Variants in PRDM9 observed in about 807,000 individuals in gnomAD.
PRDM9 encodes the protein PR/SET domain 9, also known as histone-lysine N-methyltransferase PRDM9.
In PRDM9, 47 loss-of-function variants were observed where a neutral mutation model predicts 55.6. That is an observed-to-expected ratio of 0.85 (90% CI 0.67 to 1.08). The LOEUF (loss-of-function observed/expected upper bound fraction) is 1.08. Ranked by LOEUF, PRDM9 falls within the 50% of genes least tolerant of loss-of-function variation. The pLI, the probability that PRDM9 is intolerant of heterozygous loss-of-function variation, is 0.00. For missense variants in PRDM9, 867 were observed against 1,040.3 expected, an observed-to-expected ratio of 0.83 and a Z score of 2.29; for synonymous variants, 312 against 375.7, an observed-to-expected ratio of 0.83 and a Z score of 1.96.
chr5:23,510,531 T>A (rs1739074714), intron 4 of PRDM9, among the ~76,000 whole-genome samples: 1 of 151,426 alleles, frequency 6.6e-6, no homozygotes, highest in Non-Finnish European at 1.5e-5. Flanking sequence ...CTAATTTTTG[T>A]ATTTTTTGTA....
At chr5:23,509,348 G>A in intron 2 of PRDM9, 122 bp from the exon 3 acceptor site, 1 of 1,534,260 alleles carries the variant, frequency 6.5e-7, no homozygotes, top group Non-Finnish European at 9.0e-7. Flanking sequence ...AAGGAGGGAA[G>A]ATCTTTATGT....
At chr5:23,510,283 A>G (rs191172593) in intron 4 of PRDM9, among the ~76,000 whole-genome samples, 20 of 151,536 alleles carry the variant, frequency 1.3e-4, no homozygotes, top group African/African-American at 4.8e-4. Flanking sequence ...CTGGTCTCGA[A>G]CTCCCGACCT....
chr5:23,525,086 C>A (rs1739405894), intron 10 of PRDM9, among the ~76,000 whole-genome samples: 1 of 152,158 alleles, frequency 6.6e-6, no homozygotes, highest in African/African-American at 2.4e-5. Flanking sequence ...GTAAATGAAT[C>A]CAGAAAGAAT....
intron 4 of PRDM9, among the ~76,000 whole-genome samples, chr5:23,514,594 G>T (rs1278257025): frequency 1.3e-5 from 2 of 151,870 alleles, no homozygotes; most frequent in African/African-American, 4.8e-5. Context: ...GACTACAGGG[G>T]CACACCAGCT....
At chr5:23,513,865 C>T (rs1269945864) in intron 4 of PRDM9, among the ~76,000 whole-genome samples, 6 of 151,972 alleles carry the variant, frequency 3.9e-5, no homozygotes, top group South Asian at 2.1e-4. Flanking sequence ...GGCAACAGAA[C>T]GAGACGCCGT....
At chr5:23,518,259 G>T (rs546278616) in intron 5 of PRDM9, among the ~76,000 whole-genome samples, 3 of 152,144 alleles carry the variant, frequency 2.0e-5, no homozygotes, top group Admixed American at 1.3e-4. Context: ...GAAAACTGAG[G>T]TATAAAAATG....
At chr5:23,510,860 T>G (rs1348572017) in intron 4 of PRDM9, among the ~76,000 whole-genome samples, 2 of 151,432 alleles carry the variant, frequency 1.3e-5, no homozygotes, top group Non-Finnish European at 2.9e-5. Context: ...AGAAGTGACC[T>G]CCTGGCCAGG....
chr5:23,510,434 C>T (rs939322994), intron 4 of PRDM9, among the ~76,000 whole-genome samples: 3 of 151,868 alleles, frequency 2.0e-5, no homozygotes, highest in Non-Finnish European at 4.4e-5. Context: ...TCTTGGCTCA[C>T]TGCAGCCTCT....
intron 3 of PRDM9, 123 bp downstream of exon 3, chr5:23,509,716 C>T: frequency 6.4e-7 from 1 of 1,561,098 alleles, no homozygotes. Flanking sequence ...GTAGACAAAT[C>T]TGGAGGGAAA....
intron 3 of PRDM9, 72 bp downstream of exon 3, chr5:23,509,665 G>C: frequency 6.2e-7 from 1 of 1,610,098 alleles, no homozygotes; most frequent in Non-Finnish European, 8.5e-7. Flanking sequence ...TATTATTTTA[G>C]TTCTCAGGTG....
intron 3 of PRDM9, 32 bp downstream of exon 3, chr5:23,509,625 G>A: frequency 6.2e-7 from 1 of 1,614,044 alleles, no homozygotes; most frequent in South Asian, 1.1e-5. Flanking sequence ...AGACCAGCCT[G>A]GGAGACATAA....
At chr5:23,517,418 C>T (rs1283725118) in intron 4 of PRDM9, among the ~76,000 whole-genome samples, 1 of 152,006 alleles carries the variant, frequency 6.6e-6, no homozygotes, top group Non-Finnish European at 1.5e-5. Context: ...CTTCAGAAAA[C>T]ATTTCCAAAT....
intron 9 of PRDM9, 78 bp downstream of exon 9, chr5:23,523,436 C>A: frequency 7.0e-7 from 1 of 1,436,176 alleles, no homozygotes; most frequent in Non-Finnish European, 9.8e-7. Context: ...TATCATTATG[C>A]CTCCCTCAAT....
At chr5:23,516,693 A>G (rs1739216714) in intron 4 of PRDM9, among the ~76,000 whole-genome samples, 1 of 146,288 alleles carries the variant, frequency 6.8e-6, no homozygotes, top group Non-Finnish European at 1.5e-5. Context: ...ATTACTTCTA[A>G]CAATTTTTTG....
intron 4 of PRDM9, among the ~76,000 whole-genome samples, chr5:23,511,443 T>C (rs979673875): frequency 8.5e-5 from 13 of 152,230 alleles, no homozygotes; most frequent in Non-Finnish European, 1.5e-4. Flanking sequence ...CCTCCCAAGT[T>C]CAAGCGATTT....
intron 6 of PRDM9, 117 bp from the exon 7 acceptor site, chr5:23,522,187 C>T (rs1339218812): frequency 1.9e-5 from 17 of 883,130 alleles, no homozygotes; most frequent in Admixed American, 1.1e-4. Context: ...AAGAGGGGGA[C>T]ACTAGAGTAT....
At chr5:23,512,125 TAAGTA>T (rs1169986074) in intron 4 of PRDM9, among the ~76,000 whole-genome samples, 1 of 152,172 alleles carries the variant, frequency 6.6e-6, no homozygotes, top group African/African-American at 2.4e-5. Flanking sequence ...GAAATAATAT[TAAGTA>T]AAGATATATC....
At chr5:23,519,535 G>A (rs1181380742) in intron 5 of PRDM9, among the ~76,000 whole-genome samples, 2 of 151,480 alleles carry the variant, frequency 1.3e-5, no homozygotes, top group Non-Finnish European at 2.9e-5. Context: ...CACCTGGCTA[G>A]TTTTTTGTAT....
Position 23,509,940 on chromosome 5 carries a change from G to T in PRDM9, c.214G>T (p.Ala72Ser). Residue 72 changes from alanine to serine, a missense_variant, in exon 4 of 11, where the codon GCT becomes TCT. Ala to Ser is a moderately conservative substitution (Grantham distance 99, BLOSUM62 1). Transcript: ENST00000296682. The stretch of plus-strand genomic sequence containing the variant: ...TTCAGGTCTCAGAGCCACTCGACCA[G>T]CTTTCATGTGTCACCGAAGGCAGGC... ...ITIGLRATRP[A>S]FMCHRRQAIK... The T allele has an allele frequency of 6.2e-7, 1 of 1,613,882 alleles. No individual in the cohort carries two copies. The highest frequency in any genetic ancestry group is 8.5e-7 in the Non-Finnish European group (1 of 1,179,968).
Sources: allele counts gnomAD v4.1 joint callset (sites outside exome capture counted in the v4.1 genomes callset), GRCh38; gene constraint gnomAD v4.1.1; transcripts MANE v1.5; gene names NCBI Gene and HGNC (gene_info 2026-07-23, HGNC 2026-07-21).